The following NPHP1 variants were observed in gnomAD, a reference collection of about 807,000 sequenced individuals.
The protein encoded by NPHP1 is nephrocystin 1.
NPHP1 carries 70 observed loss-of-function variants against 90.4 expected under a neutral mutation model. The ratio of observed to expected loss-of-function variants is 0.77; its 90% CI spans 0.64 to 0.95. The LOEUF is 0.95. NPHP1 is among the 40% of genes least tolerant of loss of function. The pLI is 0.00. For synonymous variants in NPHP1, 256 were observed against 271.7 expected, an observed-to-expected ratio of 0.94 and a Z score of 0.57; for missense variants, 764 against 795.9, an observed-to-expected ratio of 0.96 and a Z score of 0.48.
intron 11 of NPHP1, among the ~76,000 whole-genome samples, chr2:110,156,785 T>TTG (rs891741161): frequency 7.9e-5 from 12 of 151,170 alleles, no homozygotes; most frequent in Non-Finnish European, 1.8e-4. Context: ...TTTCTGTTTT[T>TTG]TTTTTTTTTT....
intron 2 of NPHP1, among the ~76,000 whole-genome samples, chr2:110,183,011 CAG>C (rs1443940217): frequency 6.6e-6 from 1 of 152,002 alleles, no homozygotes; most frequent in African/African-American, 2.4e-5. Flanking sequence ...TCTGACAAAA[CAG>C]ACTTTAAGCC....
intron 19 of NPHP1, 166 bp downstream of exon 19, chr2:110,125,471 C>T (rs1362126756): frequency 3.6e-6 from 4 of 1,112,342 alleles, no homozygotes; most frequent in Non-Finnish European, 5.4e-6. Flanking sequence ...AACGATCATG[C>T]GTAACCCTCT....
chr2:110,136,992 C>A (rs546821491), intron 16 of NPHP1, among the ~76,000 whole-genome samples: 1 of 152,134 alleles, frequency 6.6e-6, no homozygotes, highest in Non-Finnish European at 1.5e-5. Flanking sequence ...ACCTATGGAA[C>A]AGAACAGAGC....
chr2:110,199,584 C>G (rs1685423889), intron 2 of NPHP1, among the ~76,000 whole-genome samples: 1 of 152,022 alleles, frequency 6.6e-6, no homozygotes, highest in South Asian at 2.1e-4. Flanking sequence ...GATTGTGCCA[C>G]TTCATTACAG....
intron 4 of NPHP1, among the ~76,000 whole-genome samples, chr2:110,177,350 G>T (rs1364322403): frequency 1.3e-5 from 2 of 152,060 alleles, no homozygotes; most frequent in Admixed American, 6.6e-5. Context: ...ACAGTATAAA[G>T]GTTGGAGAAC....
At chr2:110,202,290 G>T in intron 1 of NPHP1, 1 of 308,928 alleles carries the variant, frequency 3.2e-6, no homozygotes, top group Non-Finnish European at 6.8e-6. Flanking sequence ...TAAAGTGGAT[G>T]AAAAAAGAGA....
chr2:110,123,981 G>A lies in NPHP1; in HGVS notation c.1844C>T (p.Pro615Leu). 6.2e-7 allele frequency: 1 copy of A among 1,614,058 alleles called. No homozygotes were observed. Among genetic ancestry groups the A allele is most frequent in the Non-Finnish European group, 8.5e-7 (1 of 1,179,926 alleles). The change falls in exon 20 of 20, where the codon CCC (proline) becomes CTC (leucine). Residue 615 changes from proline to leucine, a missense_variant. Pro to Leu is a moderately conservative substitution (Grantham distance 98). Coordinates refer to ENST00000445609, the MANE Select transcript of NPHP1 (RefSeq NM_001128178.3). ...VLPLLHSTRL[P>L]PFRWAEEETE... Reference sequence around the variant, plus strand: ...CTCTTCTTCTGCCCACCTGAATGGGGGTAGGCGTGTGGAGTGGAGAAGTGG... The same window carrying A: ...CTCTTCTTCTGCCCACCTGAATGGGAGTAGGCGTGTGGAGTGGAGAAGTGG...
chr2:110,170,734 T>TA (rs1683066303), intron 4 of NPHP1, among the ~76,000 whole-genome samples: 1 of 152,082 alleles, frequency 6.6e-6, no homozygotes. Flanking sequence ...GAGGGACACC[T>TA]AACCCAGGTT....
chr2:110,136,753 G>A (rs965619884), intron 16 of NPHP1, among the ~76,000 whole-genome samples: 17 of 152,144 alleles, frequency 1.1e-4, no homozygotes, highest in African/African-American at 4.1e-4. Flanking sequence ...ACCGCCCAAG[G>A]TAATTTATAG....
intron 4 of NPHP1, 132 bp from the exon 5 acceptor site, chr2:110,170,130 C>T: frequency 8.1e-7 from 1 of 1,231,364 alleles, no homozygotes; most frequent in Non-Finnish European, 1.2e-6. Flanking sequence ...AGGGAAAATA[C>T]AAAGAACAGT....
At chr2:110,146,423 A>C (rs143120100) in intron 14 of NPHP1, among the ~76,000 whole-genome samples, 1 of 152,200 alleles carries the variant, frequency 6.6e-6, no homozygotes, top group East Asian at 1.9e-4. Flanking sequence ...TCTGGACTTA[A>C]CTTTCCCACT....
rs141159932 is a variant in NPHP1 at position 110,153,015 on chromosome 2, C to T, written c.1084-2759G>A. On this transcript the variant is annotated intron_variant, in intron 11 of 19. Transcript: ENST00000445609. ...CCAAAGAAATTCATGCCAGATACAC[C>T]GTAAACTTCTGAAAACTGAAACACA... Among the ~76,000 whole-genome samples the T allele has an allele frequency of 8.9e-4, 136 of 152,012 alleles. 1 individual carries two copies. The East Asian group carries it at 0.014, about 16-fold the overall frequency.
chr2:110,184,553 T>A lies in NPHP1; in HGVS notation c.144-4869A>T, dbSNP rs1157365386. On this transcript the variant is annotated intron_variant, in intron 2 of 19. Transcript: ENST00000445609. The stretch of plus-strand genomic sequence containing the variant: ...TGGATTCTGGGGATGGCATCACCCA[T>A]GCTGTGCCCATCTATCAGGGCTTTG... 2.3e-6 allele frequency: 3 copies of A among 1,313,200 alleles called. No homozygotes were observed. In the East Asian group the frequency reaches 7.1e-5, roughly 31 times the overall value. The allele number at this position is 1,313,200 out of a possible 1,614,324, so 81.3% of individuals were successfully genotyped here. A position where few individuals can be genotyped will look rare whatever the true frequency, so the allele number is the denominator to read the frequency against.
At position 110,129,898 on chromosome 2, in the gene NPHP1, G is replaced by A. The variant is rs536913439; in HGVS notation, c.1643-639C>T. 2.2e-4 allele frequency among the ~76,000 whole-genome samples: 34 copies of A among 152,276 alleles called. No individual in the cohort carries two copies. In the Middle Eastern group the frequency reaches 0.01, roughly 46 times the overall value. On this transcript the variant is annotated intron_variant, in intron 17 of 19. Coordinates refer to ENST00000445609, the MANE Select transcript of NPHP1 (RefSeq NM_001128178.3). ...GAAAGACATGTCTTAGTCTGTTTGC[G>A]CTGCTGTAGTGGAATACCTGAGACT...
intron 11 of NPHP1, among the ~76,000 whole-genome samples, chr2:110,155,384 C>G (rs562684397): frequency 6.6e-6 from 1 of 152,322 alleles, no homozygotes; most frequent in East Asian, 1.9e-4. Context: ...CAGAGTCCCT[C>G]CTGGGGCACC....
chr2:110,194,433 T>TA (rs1382407756), intron 2 of NPHP1, among the ~76,000 whole-genome samples: 1 of 151,926 alleles, frequency 6.6e-6, no homozygotes, highest in African/African-American at 2.4e-5. Context: ...CCTCGACAAA[T>TA]ACACCCTCCC....
chr2:110,127,594 G>T (rs1213178773), intron 18 of NPHP1: 3 of 151,884 alleles, frequency 2.0e-5, no homozygotes, highest in Non-Finnish European at 4.4e-5. Flanking sequence ...GCTCAAATGG[G>T]GTCTTTTTGC....
chr2:110,133,270 G>C (rs879706801), intron 16 of NPHP1, among the ~76,000 whole-genome samples: 1 of 151,982 alleles, frequency 6.6e-6, no homozygotes, highest in Non-Finnish European at 1.5e-5. Context: ...ATTAATATCA[G>C]ACAAAATAGA....
At chr2:110,172,728 G>A (rs921280677) in intron 4 of NPHP1, among the ~76,000 whole-genome samples, 6 of 152,164 alleles carry the variant, frequency 3.9e-5, no homozygotes, top group Non-Finnish European at 5.9e-5. Flanking sequence ...ACGTTGCAGT[G>A]AGCCAAGATT....
Sources: allele counts gnomAD v4.1 joint callset (sites outside exome capture counted in the v4.1 genomes callset), GRCh38; gene constraint gnomAD v4.1.1; transcripts MANE v1.5; gene names NCBI Gene and HGNC (gene_info 2026-07-23, HGNC 2026-07-21).